Variants in GRB2 observed in about 807,000 individuals in gnomAD.
GRB2 encodes the protein growth factor receptor-bound protein 2.
In GRB2, 2 loss-of-function variants were observed where a neutral mutation model predicts 27.4. The observed-to-expected ratio is 0.07, with a 90% CI of 0.03 to 0.23. The LOEUF (loss-of-function observed/expected upper bound fraction) is 0.23. Ranked by LOEUF, GRB2 falls within the 10% of genes least tolerant of loss-of-function variation. The pLI is 1.00. For missense variants in GRB2, 102 were observed against 282.4 expected, an observed-to-expected ratio of 0.36 and a Z score of 4.58; for synonymous variants, 94 against 99.6, an observed-to-expected ratio of 0.94 and a Z score of 0.33.
intron 1 of GRB2, among the ~76,000 whole-genome samples, chr17:75,402,102 C>T (rs1262071191): frequency 6.6e-6 from 1 of 152,194 alleles, no homozygotes; most frequent in Admixed American, 6.5e-5. Flanking sequence ...GTGCTCCAAA[C>T]ACATTAGCCT....
chr17:75,334,452 C>T (rs1296921048), intron 2 of GRB2, among the ~76,000 whole-genome samples: 2 of 151,916 alleles, frequency 1.3e-5, no homozygotes, highest in Admixed American at 6.6e-5. Context: ...ATTACAGGCA[C>T]GAGCCACCGT....
Position 75,362,837 on chromosome 17 carries a change from T to C in GRB2, c.79-30040A>G, listed in dbSNP as rs376728128. On this transcript the variant is annotated intron_variant, in intron 2 of 5. Transcript: ENST00000316804. ...AACAGCCCCCCACCTCCAGCCAAGCTCACCCAATTACTAATATGACAAATA... is the reference window on the plus strand; with the variant it reads ...AACAGCCCCCCACCTCCAGCCAAGCCCACCCAATTACTAATATGACAAATA... 2.0e-5 allele frequency among the ~76,000 whole-genome samples: 3 copies of C among 152,282 alleles called. No individual in the cohort carries two copies. In the East Asian group the frequency reaches 5.8e-4, roughly 29 times the overall value.
At chr17:75,345,419 C>G (rs1304842054) in intron 2 of GRB2, among the ~76,000 whole-genome samples, 1 of 152,056 alleles carries the variant, frequency 6.6e-6, no homozygotes, top group Non-Finnish European at 1.5e-5. Context: ...GATTTTCAGT[C>G]GTTCTGTGAC....
intron 2 of GRB2, among the ~76,000 whole-genome samples, chr17:75,376,026 GAAAAAAAA>G (rs58559493): frequency 1.5e-5 from 1 of 65,410 alleles, no homozygotes; most frequent in Non-Finnish European, 2.6e-5. Context: ...CTCCGTCTCA[GAAAAAAAA>G]AAAAAAAAAA....
chr17:75,356,079 C>T (rs1479369658), intron 2 of GRB2, among the ~76,000 whole-genome samples: 1 of 152,034 alleles, frequency 6.6e-6, no homozygotes, highest in Non-Finnish European at 1.5e-5. Context: ...GGTAATCCAC[C>T]CGCCTTGGCC....
rs369355120 is a variant in GRB2, at chr17:75,338,087, G to A, written c.79-5290C>T. Among the ~76,000 whole-genome samples, 4 of 151,722 alleles carry A rather than the reference G, an allele frequency of 2.6e-5. No individual in the cohort carries two copies. The East Asian group carries it at 5.8e-4, about 22-fold the overall frequency. On this transcript the variant is annotated intron_variant, in intron 2 of 5. Transcript: ENST00000316804. Reference sequence around the variant, plus strand: ...TGGGATTACAGGCACCCGCCACCACGCCTGGCTAATTTTTGTATTTTTAGC... The same window carrying A: ...TGGGATTACAGGCACCCGCCACCACACCTGGCTAATTTTTGTATTTTTAGC...
At chr17:75,374,679 C>G (rs1179619856) in intron 2 of GRB2, among the ~76,000 whole-genome samples, 2 of 151,710 alleles carry the variant, frequency 1.3e-5, no homozygotes, top group Non-Finnish European at 2.9e-5. Flanking sequence ...CCCAGCTACT[C>G]GGGAAGCTGA....
chr17:75,345,694 T>TACCCCC (rs531480418), intron 2 of GRB2, among the ~76,000 whole-genome samples: 36 of 151,986 alleles, frequency 2.4e-4, no homozygotes, highest in South Asian at 8.3e-4. Flanking sequence ...GGCAAGTCCC[T>TACCCCC]ACCCCCACCC....
intron 1 of GRB2, among the ~76,000 whole-genome samples, chr17:75,399,801 C>A (rs1467014306): frequency 6.6e-6 from 1 of 152,000 alleles, no homozygotes; most frequent in Non-Finnish European, 1.5e-5. Context: ...TCCCGAGTGG[C>A]TGGGACTATA....
At chr17:75,396,058 G>A (rs2079027266) in intron 1 of GRB2, among the ~76,000 whole-genome samples, 1 of 151,908 alleles carries the variant, frequency 6.6e-6, no homozygotes, top group Non-Finnish European at 1.5e-5. Context: ...GGCTGGTCTT[G>A]AACTCCTGGC....
chr17:75,332,621 A>G, intron 3 of GRB2, 79 bp downstream of exon 3: 1 of 793,960 alleles, frequency 1.3e-6, no homozygotes, highest in Non-Finnish European at 2.2e-6. Context: ...CATCCATCCC[A>G]GTGATCTCAA....
intron 2 of GRB2, among the ~76,000 whole-genome samples, chr17:75,377,145 A>T (rs957488682): frequency 6.6e-5 from 10 of 152,012 alleles, no homozygotes; most frequent in African/African-American, 1.2e-4. Flanking sequence ...ACAAAAAAAA[A>T]ATATTAAAAG....
intron 2 of GRB2, 131 bp from the exon 3 acceptor site, chr17:75,332,928 A>G (rs1598221006): frequency 3.8e-6 from 2 of 533,032 alleles, no homozygotes; most frequent in East Asian, 3.3e-5. Flanking sequence ...TTATACGGAT[A>G]TAAGACTCCT....
At chr17:75,370,734 A>C (rs986989533) in intron 2 of GRB2, among the ~76,000 whole-genome samples, 1 of 152,196 alleles carries the variant, frequency 6.6e-6, no homozygotes, top group Admixed American at 6.5e-5. Context: ...CACTTTCCCT[A>C]GGGCTATGGG....
At chr17:75,376,618 T>G (rs938535762) in intron 2 of GRB2, among the ~76,000 whole-genome samples, 6 of 152,044 alleles carry the variant, frequency 3.9e-5, no homozygotes, top group African/African-American at 1.4e-4. Flanking sequence ...AACCAACGAT[T>G]ATAACTTACA....
chr17:75,336,648 T>C (rs2078579020), intron 2 of GRB2, among the ~76,000 whole-genome samples: 1 of 152,196 alleles, frequency 6.6e-6, no homozygotes, highest in Non-Finnish European at 1.5e-5. Flanking sequence ...ACTATGGCTG[T>C]CTACAGAACA....
At chr17:75,323,972 G>C (rs1347991035) in intron 4 of GRB2, among the ~76,000 whole-genome samples, 2 of 151,974 alleles carry the variant, frequency 1.3e-5, no homozygotes, top group East Asian at 3.9e-4. Context: ...ACCACGCCTG[G>C]CTAATTTTTG....
At chr17:75,398,800 T>C (rs762513233) in intron 1 of GRB2, among the ~76,000 whole-genome samples, 1 of 151,268 alleles carries the variant, frequency 6.6e-6, no homozygotes, top group Non-Finnish European at 1.5e-5. Flanking sequence ...CAGGCTGGAG[T>C]GCAGTGGCGT....
intron 2 of GRB2, among the ~76,000 whole-genome samples, chr17:75,389,676 C>T (rs1460392923): frequency 2.0e-5 from 3 of 152,002 alleles, no homozygotes; most frequent in Non-Finnish European, 4.4e-5. Flanking sequence ...GAAACCCCGT[C>T]TCTACTAAAA....
Sources: gnomAD v4.1 joint callset for allele counts (sites outside exome capture counted in the v4.1 genomes callset) on GRCh38, gnomAD v4.1.1 for gene constraint, MANE v1.5 for transcripts, NCBI Gene and HGNC (gene_info 2026-07-23, HGNC 2026-07-21) for gene names.